The following TIA1 variants were observed in gnomAD, a reference collection of about 807,000 sequenced individuals.
The protein encoded by TIA1 is TIA1 cytotoxic granule associated RNA binding protein, also known as cytotoxic granule associated RNA binding protein TIA1.
TIA1 carries 23 observed loss-of-function variants against 65.9 expected under a neutral mutation model. The ratio of observed to expected loss-of-function variants is 0.35; its 90% CI spans 0.25 to 0.49. The LOEUF (loss-of-function observed/expected upper bound fraction) is 0.49, where lower values mean the gene tolerates loss of function less well. TIA1 is among the 20% of genes least tolerant of loss of function. The probability of loss-of-function intolerance (pLI) is 0.98; values close to 1 mark genes in which losing one functional copy is unlikely to be tolerated. For missense variants in TIA1, 371 were observed against 477.9 expected (o/e 0.78, Z 2.09); for synonymous variants, 147 against 149.4 (o/e 0.98, Z 0.12).
At chr2:70,244,444 G>A (rs148281298) in intron 1 of TIA1, among the ~76,000 whole-genome samples, 42 of 152,224 alleles carry the variant, frequency 2.8e-4, no homozygotes, top group Non-Finnish European at 4.9e-4. Context: ...CAATATTACT[G>A]AGTGAATGTA....
intron 4 of TIA1, 60 bp from the exon 5 acceptor site, chr2:70,229,151 C>A: frequency 6.2e-7 from 1 of 1,607,682 alleles, no homozygotes. Context: ...TCAATCATAT[C>A]TTAGGATAAC....
chr2:70,240,865 C>T (rs1691339504), intron 1 of TIA1, among the ~76,000 whole-genome samples: 2 of 151,934 alleles, frequency 1.3e-5, no homozygotes. Context: ...GAGCAAGACA[C>T]TGCCCTCCCT....
intron 7 of TIA1, among the ~76,000 whole-genome samples, chr2:70,219,800 C>G (rs1680416221): frequency 7.2e-6 from 1 of 139,468 alleles, no homozygotes; most frequent in Non-Finnish European, 1.5e-5. Flanking sequence ...TGGTTTCTAA[C>G]TCCTGGGCTC....
At position 70,209,861 on chromosome 2, in the gene TIA1, A is replaced by G. The variant is rs540261177; in HGVS notation, c.*2858T>C. 2.7e-4 allele frequency: 107 copies of G among 396,910 alleles called. No individual in the cohort carries two copies. Among genetic ancestry groups the G allele is most frequent in the African/African-American group, 2.1e-3 (100 of 48,716 alleles). 24.6% of individuals were successfully genotyped at this position (396,910 alleles called of 1,614,324 possible). A position where few individuals can be genotyped will look rare whatever the true frequency, so the allele number is the denominator to read the frequency against. On this transcript the variant is annotated 3_prime_UTR_variant, in exon 13 of 13. Transcript: ENST00000433529. ...GCACTTAGTAAACCTGTCTTTGTAC[A>G]TGCAATCTAGTTCTTACCAACTGCC...
chr2:70,228,475 G>T, intron 5 of TIA1: 4 of 1,271,310 alleles, frequency 3.1e-6, no homozygotes, highest in Non-Finnish European at 4.1e-6. Context: ...GAAGGCAACA[G>T]AATGAAAACA....
Position 70,212,418 on chromosome 2 carries a change from A to T in TIA1, c.*301T>A, listed in dbSNP as rs1573115268. The T allele has an allele frequency of 8.0e-6, 2 of 250,514 alleles. No homozygotes were observed. Among genetic ancestry groups the T allele is most frequent in the Non-Finnish European group, 1.6e-5 (2 of 124,406 alleles). The allele number at this position is 250,514 out of a possible 1,614,324, so 15.5% of individuals were successfully genotyped here. A position where few individuals can be genotyped will look rare whatever the true frequency, so the allele number is the denominator to read the frequency against. ...GTGGAAAAAAGTTCAATATTGTGCAATTTTCTGCCTCTTAATAGTTAAAAA... is the reference window on the plus strand; with the variant it reads ...GTGGAAAAAAGTTCAATATTGTGCATTTTTCTGCCTCTTAATAGTTAAAAA... On this transcript the variant is annotated 3_prime_UTR_variant, in exon 13 of 13. Transcript: ENST00000433529.
At chr2:70,236,967 A>C (rs554825080) in intron 1 of TIA1, among the ~76,000 whole-genome samples, 2 of 152,172 alleles carry the variant, frequency 1.3e-5, no homozygotes, top group African/African-American at 4.8e-5. Flanking sequence ...CTTATTCTCC[A>C]TCGGTTTCTA....
chr2:70,224,410 CA>C, intron 7 of TIA1, 143 bp downstream of exon 7: 1 of 1,203,558 alleles, frequency 8.3e-7, no homozygotes. Flanking sequence ...GTTAAACAGA[CA>C]AAACAGAAGA....
At position 70,209,682 on chromosome 2, in the gene TIA1, T is replaced by C. The variant is rs567028243; in HGVS notation, c.*3037A>G. ...TGTTTATCCCTGCTCATGCTTAAGATTGACGATTTCGTGAAATAAAGAACA... is the reference window on the plus strand; with the variant it reads ...TGTTTATCCCTGCTCATGCTTAAGACTGACGATTTCGTGAAATAAAGAACA... On this transcript the variant is annotated 3_prime_UTR_variant, in exon 13 of 13. Coordinates refer to ENST00000433529, the MANE Select transcript of TIA1 (RefSeq NM_022173.4). The C allele has an allele frequency of 1.0e-5, 4 of 398,406 alleles. No homozygotes were observed. The highest frequency in any genetic ancestry group is 6.2e-5 in the African/African-American group (3 of 48,762). The allele number at this position is 398,406 out of a possible 1,614,324, so 24.7% of individuals were successfully genotyped here.
chr2:70,214,363 G>A lies in TIA1; in HGVS notation c.1020C>T (p.Asn340=). The A allele has an allele frequency of 1.2e-6, 2 of 1,611,874 alleles. No individual in the cohort carries two copies. Among genetic ancestry groups the A allele is most frequent in the Non-Finnish European group, 1.7e-6 (2 of 1,179,204 alleles). Residue 340 remains asparagine (N), a synonymous_variant, in exon 12 of 13, where the codon AAC becomes AAT. Coordinates refer to ENST00000433529, the MANE Select transcript of TIA1 (RefSeq NM_022173.4). ...PAYGMYGQAW[N]QQGFNQTQSS... is the part of the protein sequence containing the mutation. ...GATATGCTTACTTAAATCCTTGCTG[G>A]TTCCATGCCTGGCCATACATTCCAT...
intron 7 of TIA1, among the ~76,000 whole-genome samples, chr2:70,220,112 A>C (rs1558788318): frequency 6.6e-6 from 1 of 152,144 alleles, no homozygotes; most frequent in Non-Finnish European, 1.5e-5. Context: ...TCAAGTCCTC[A>C]TAAGAAGTAA....
intron 1 of TIA1, among the ~76,000 whole-genome samples, chr2:70,238,164 TA>T (rs532331981): frequency 5.4e-4 from 76 of 140,014 alleles, no homozygotes; most frequent in Admixed American, 5.0e-4. Flanking sequence ...CCATCTCAAT[TA>T]AAAAAAAAAA....
In TIA1 at chr2:70,211,034, A is replaced by C. The variant is rs769310080; in HGVS notation, c.*1685T>G. On this transcript the variant is annotated 3_prime_UTR_variant, in exon 13 of 13. Transcript: ENST00000433529. ...TTGGAGTCATTTGCCCCTACCCGGGAAATGCAGGCCAGGAAACTTAAGATT... is the reference window on the plus strand; with the variant it reads ...TTGGAGTCATTTGCCCCTACCCGGGCAATGCAGGCCAGGAAACTTAAGATT... 3.3e-5 allele frequency: 5 copies of C among 152,144 alleles called. No homozygotes were observed. The highest frequency in any genetic ancestry group is 7.3e-5 in the Non-Finnish European group (5 of 68,036). 9.4% of individuals were successfully genotyped at this position (152,144 alleles called of 1,614,324 possible). A position where few individuals can be genotyped will look rare whatever the true frequency, so the allele number is the denominator to read the frequency against.
chr2:70,227,635 T>A (rs1002976798), intron 6 of TIA1, 100 bp downstream of exon 6: 1 of 762,962 alleles, frequency 1.3e-6, no homozygotes, highest in Non-Finnish European at 2.1e-6. Context: ...ATTCAAGTTA[T>A]AAAATTAATG....
chr2:70,224,300 A>C, intron 7 of TIA1: 1 of 449,574 alleles, frequency 2.2e-6, no homozygotes, highest in Non-Finnish European at 4.0e-6. Context: ...CATAAATGAG[A>C]TTTTCAACAT....
chr2:70,229,429 G>C, intron 3 of TIA1, 111 bp from the exon 4 acceptor site: 1 of 885,236 alleles, frequency 1.1e-6, no homozygotes. Context: ...CACTGAAGGA[G>C]ATACCAGCTC....
Position 70,239,694 on chromosome 2 carries a change from G to A in TIA1, c.27-3519C>T, listed in dbSNP as rs75355106. On this transcript the variant is annotated intron_variant, in intron 1 of 12. Coordinates refer to ENST00000433529, the MANE Select transcript of TIA1 (RefSeq NM_022173.4). ...CGAAGCCTTTGGAAAAGGTTAAGAT[G>A]GCAAAGGAAGAAATGCTGAGTCTTA... Among the ~76,000 whole-genome samples the A allele has an allele frequency of 1.2e-3, 176 of 152,296 alleles. 2 individuals are homozygous for A. The East Asian group carries it at 0.03, about 26-fold the overall frequency.
chr2:70,220,769 G>C (rs746261726), intron 7 of TIA1, among the ~76,000 whole-genome samples: 1 of 152,024 alleles, frequency 6.6e-6, no homozygotes, highest in South Asian at 2.1e-4. Flanking sequence ...TTGTGAATGG[G>C]AGATAAAGTA....
At chr2:70,233,903 G>A (rs1687651826) in intron 2 of TIA1, among the ~76,000 whole-genome samples, 1 of 152,078 alleles carries the variant, frequency 6.6e-6, no homozygotes, top group African/African-American at 2.4e-5. Context: ...AGTCCAGGGA[G>A]CATAAAATTT....
Sources: allele counts gnomAD v4.1 joint callset (sites outside exome capture counted in the v4.1 genomes callset), GRCh38; gene constraint gnomAD v4.1.1; transcripts MANE v1.5; gene names NCBI Gene and HGNC (gene_info 2026-07-23, HGNC 2026-07-21).